TRAPPC13: variants seen among roughly 807,000 people sequenced by gnomAD.
TRAPPC13 encodes trafficking protein particle complex subunit 13.
TRAPPC13 carries 39 observed loss-of-function variants against 54.0 expected under a neutral mutation model. That is an observed-to-expected ratio of 0.72 (90% CI 0.56 to 0.94). TRAPPC13 has a LOEUF of 0.94. TRAPPC13 is among the 40% of genes least tolerant of loss of function. TRAPPC13 has a pLI of 0.00. For missense variants in TRAPPC13, 386 were observed against 488.1 expected (o/e 0.79, Z 1.97); for synonymous variants, 148 against 167.7 (o/e 0.88, Z 0.91).
chr5:65,658,797 G>A (rs1232321040), intron 9 of TRAPPC13, among the ~76,000 whole-genome samples: 1 of 151,892 alleles, frequency 6.6e-6, no homozygotes, highest in East Asian at 1.9e-4. Context: ...TAGGCTCACT[G>A]TAACCTCCAC....
At chr5:65,661,591 G>GTTC (rs1287825508) in intron 10 of TRAPPC13, 1 of 152,932 alleles carries the variant, frequency 6.5e-6, no homozygotes, top group South Asian at 2.1e-4. Flanking sequence ...GCCATGGCCT[G>GTTC]TTCCAAGCCT....
At chr5:65,634,320 C>CT (rs1351607120) in intron 1 of TRAPPC13, among the ~76,000 whole-genome samples, 2 of 151,734 alleles carry the variant, frequency 1.3e-5, no homozygotes, top group Non-Finnish European at 2.9e-5. Context: ...TATATCCTAT[C>CT]TTTTTTTTGA....
chr5:65,649,881 G>T (rs1391810217), intron 5 of TRAPPC13, among the ~76,000 whole-genome samples: 2 of 146,248 alleles, frequency 1.4e-5, no homozygotes, highest in Non-Finnish European at 3.0e-5. Flanking sequence ...TTTTGAGATG[G>T]AGTCTTACTC....
Position 65,655,913 on chromosome 5 carries a change from T to G in TRAPPC13, c.564+260T>G, listed in dbSNP as rs186692531. Among the ~76,000 whole-genome samples the G allele has an allele frequency of 1.7e-3, 261 of 152,322 alleles. 4 individuals are homozygous for G. Among genetic ancestry groups the G allele is most frequent in the Non-Finnish European group, 1.4e-3 (96 of 68,016 alleles). On this transcript the variant is annotated intron_variant, in intron 8 of 12. Coordinates refer to ENST00000399438, the MANE Select transcript of TRAPPC13 (RefSeq NM_024941.4). ...TTTTCAGTGTTTCTTCTTTAGATTT[T>G]TTTTTTAAAGAGGTATGTTACCTTG...
chr5:65,664,064 T>C (rs1409994978), intron 11 of TRAPPC13, 173 bp from the exon 12 acceptor site: 1 of 647,742 alleles, frequency 1.5e-6, no homozygotes, highest in Non-Finnish European at 2.6e-6. Context: ...CTTCCTTTCA[T>C]CTTCCTGGTT....
chr5:65,640,831 T>G (rs1755936536), intron 4 of TRAPPC13, among the ~76,000 whole-genome samples: 1 of 152,190 alleles, frequency 6.6e-6, no homozygotes, highest in Non-Finnish European at 1.5e-5. Flanking sequence ...CATGCCTTTA[T>G]TCACTTTTAT....
At chr5:65,660,431 TA>T (rs368672182) in intron 9 of TRAPPC13, among the ~76,000 whole-genome samples, 3,102 of 139,652 alleles carry the variant, frequency 0.022, 91 homozygotes, top group African/African-American at 0.071. Context: ...TAAAATTATT[TA>T]AAAAAAAAAA....
rs369205968 is a variant in TRAPPC13 at position 65,664,202 on chromosome 5, A to G, written c.999-35A>G. ...TGCAGTACCTCTTTGTGAAATGAACAAGATTTATTCCTATTATTCTGATTC... is the reference window on the plus strand; with the variant it reads ...TGCAGTACCTCTTTGTGAAATGAACGAGATTTATTCCTATTATTCTGATTC... On this transcript the variant is annotated intron_variant, in intron 11 of 12. Transcript: ENST00000399438. The G allele has an allele frequency of 2.5e-6, 4 of 1,593,300 alleles. No individual in the cohort carries two copies. The African/African-American group carries it at 4.1e-5, about 16-fold the overall frequency.
At chr5:65,650,369 C>A (rs1205215170) in intron 5 of TRAPPC13, among the ~76,000 whole-genome samples, 1 of 151,824 alleles carries the variant, frequency 6.6e-6, no homozygotes, top group Non-Finnish European at 1.5e-5. Flanking sequence ...ACCATGTTTG[C>A]CAGGCTGCTC....
intron 1 of TRAPPC13, chr5:65,635,060 T>A: frequency 3.6e-6 from 2 of 558,340 alleles, no homozygotes; most frequent in Non-Finnish European, 4.5e-6. Flanking sequence ...GCATATTGTA[T>A]TTACATTTAA....
chr5:65,646,054 C>T (rs890247577), intron 4 of TRAPPC13, among the ~76,000 whole-genome samples: 1 of 152,012 alleles, frequency 6.6e-6, no homozygotes, highest in African/African-American at 2.4e-5. Context: ...GTTCCTGCCT[C>T]CATAGACTTT....
In TRAPPC13 at chr5:65,659,898, G is replaced by A. The variant is rs1424703937; in HGVS notation, c.699-801G>A. On this transcript the variant is annotated intron_variant, in intron 9 of 12. Transcript: ENST00000399438. The stretch of plus-strand genomic sequence containing the variant: ...AAATCGCTTGAGTCCACAAGTTCAA[G>A]GCTGCAGTGAGCCATGATTGCACCA... 1.0e-4 allele frequency among the ~76,000 whole-genome samples: 15 copies of A among 147,886 alleles called. No homozygotes were observed. The Admixed American group carries it at 1.0e-3, about 10-fold the overall frequency.
At chr5:65,637,065 T>C (rs1452201626) in intron 3 of TRAPPC13, among the ~76,000 whole-genome samples, 1 of 152,222 alleles carries the variant, frequency 6.6e-6, no homozygotes, top group Non-Finnish European at 1.5e-5. Context: ...GAAACTTGGC[T>C]CTCTCTAACC....
intron 6 of TRAPPC13, among the ~76,000 whole-genome samples, chr5:65,651,191 G>T (rs1401950872): frequency 6.6e-6 from 1 of 152,156 alleles, no homozygotes; most frequent in Non-Finnish European, 1.5e-5. Context: ...GAAGCAAAGT[G>T]GGGAGGATCA....
chr5:65,656,004 C>G (rs1756638200), intron 8 of TRAPPC13, among the ~76,000 whole-genome samples: 1 of 151,928 alleles, frequency 6.6e-6, no homozygotes, highest in Admixed American at 6.6e-5. Flanking sequence ...GCCTTCAGTT[C>G]TTTGAGTAGA....
At chr5:65,643,811 C>T (rs1265865902) in intron 4 of TRAPPC13, among the ~76,000 whole-genome samples, 4 of 131,582 alleles carry the variant, frequency 3.0e-5, no homozygotes, top group African/African-American at 5.8e-5. Flanking sequence ...AGTGAGACTC[C>T]GTCTCAGAAA....
Position 65,664,651 on chromosome 5 carries a change from G to A in TRAPPC13, c.*40G>A, listed in dbSNP as rs950948011. ...GTTAGGCTTTTCATTTAGTTTCACA[G>A]AACTGCTCTTTTTGTTACCTTTGTA... On this transcript the variant is annotated 3_prime_UTR_variant, in exon 13 of 13. Transcript: ENST00000399438. The A allele has an allele frequency of 1.4e-6, 2 of 1,444,620 alleles. No homozygotes were observed. Among genetic ancestry groups the A allele is most frequent in the Non-Finnish European group, 1.9e-6 (2 of 1,038,620 alleles). The allele number at this position is 1,444,620 out of a possible 1,614,324, so 89.5% of individuals were successfully genotyped here.
Position 65,627,131 on chromosome 5 carries a change from C to CAAAAAAAAAAA in TRAPPC13, c.46+2041_46+2051dup, listed in dbSNP as rs60169195. 2.2e-3 allele frequency among the ~76,000 whole-genome samples: 71 copies of CAAAAAAAAAAA among 32,570 alleles called. 4 individuals are homozygous for CAAAAAAAAAAA. The highest frequency in any genetic ancestry group is 3.4e-3 in the Non-Finnish European group (53 of 15,522). The allele number at this position is 32,570 out of a possible 152,430, so 21.4% of individuals were successfully genotyped here. On this transcript the variant is annotated intron_variant, in intron 1 of 12. Transcript: ENST00000399438. Reference sequence around the variant, plus strand: ...TGGGTGACAGAGTGAGACCCTGTCTCAAAAAAAAAAAAAAAAAAAAAAAAA... The same window carrying CAAAAAAAAAAA: ...TGGGTGACAGAGTGAGACCCTGTCTCAAAAAAAAAAAAAAAAAAAAAAAAAAAAAAAAAAAA...
chr5:65,639,417 T>C (rs1426996368), intron 4 of TRAPPC13, among the ~76,000 whole-genome samples: 2 of 151,616 alleles, frequency 1.3e-5, no homozygotes, highest in African/African-American at 4.8e-5. Context: ...CCCAACACTT[T>C]GGGAGGCTGT....
Sources: gnomAD v4.1 joint callset for allele counts (sites outside exome capture counted in the v4.1 genomes callset) on GRCh38, gnomAD v4.1.1 for gene constraint, MANE v1.5 for transcripts, NCBI Gene and HGNC (gene_info 2026-07-23, HGNC 2026-07-21) for gene names.